Variants in SMIM36 observed in about 807,000 individuals in gnomAD.
SMIM36 encodes small integral membrane protein 36.
At chr17:55,479,684 A>G (rs1423947532) in intron 1 of SMIM36, 104 bp from the exon 2 acceptor site, 2 of 152,212 alleles carry the variant, frequency 1.3e-5, no homozygotes, top group African/African-American at 4.8e-5. Context: ...ATGATTTTGA[A>G]CCCAGCTTTG....
At chr17:55,486,565 G>A (rs1393372090) in intron 1 of SMIM36, among the ~76,000 whole-genome samples, 1 of 151,818 alleles carries the variant, frequency 6.6e-6, no homozygotes, top group African/African-American at 2.4e-5. Context: ...GGTAGTGTGG[G>A]TCTGGGTTGG....
the SMIM36 span, among the ~76,000 whole-genome samples, chr17:55,526,534 T>C: frequency 6.6e-6 from 1 of 152,092 alleles, no homozygotes; most frequent in Non-Finnish European, 1.5e-5. Flanking sequence ...TTGTCCACTA[T>C]AACACAGTGC....
chr17:55,495,072 T>C (rs765830673), intron 1 of SMIM36, among the ~76,000 whole-genome samples: 8 of 152,234 alleles, frequency 5.3e-5, no homozygotes, highest in Non-Finnish European at 1.2e-4. Flanking sequence ...ATTGATTGTA[T>C]CCTTCAGGCC....
Position 55,470,707 on chromosome 17 carries a change from C to T in SMIM36, c.*348-3379G>A, listed in dbSNP as rs546807472. Among the ~76,000 whole-genome samples the T allele has an allele frequency of 2.0e-5, 3 of 152,260 alleles. No individual in the cohort carries two copies. The South Asian group carries it at 6.2e-4, about 32-fold the overall frequency. On this transcript the variant is annotated intron_variant, in intron 3 of 4. Coordinates refer to ENST00000636752, the Ensembl canonical transcript of SMIM36. ...GTTCAAAGCCTATTTTGCATCCTCC[C>T]CTTGTGTCTCCCTACCTTAATCCGC...
Position 55,486,019 on chromosome 17 carries a change from C to CT in SMIM36, c.*175-6440dup, listed in dbSNP as rs72017867. On this transcript the variant is annotated intron_variant, in intron 1 of 4. Coordinates refer to ENST00000636752, the Ensembl canonical transcript of SMIM36. ...ATGAAGAAAAGAAAGAAAGAGCTTT[C>CT]TTTTTTTTTTTTCCTTTATTCTTTT... Among the ~76,000 whole-genome samples the CT allele has an allele frequency of 9.7e-4, 138 of 142,560 alleles. 2 individuals carry two copies. Among genetic ancestry groups the CT allele is most frequent in the African/African-American group, 2.9e-3 (114 of 38,856 alleles). The allele number at this position is 142,560 out of a possible 152,430, so 93.5% of individuals were successfully genotyped here. A position where few individuals can be genotyped will look rare whatever the true frequency, so the allele number is the denominator to read the frequency against.
chr17:55,456,868 A>T (rs542616655), intron 4 of SMIM36, among the ~76,000 whole-genome samples: 40 of 152,336 alleles, frequency 2.6e-4, no homozygotes, highest in African/African-American at 9.6e-4. Flanking sequence ...TCAACACATT[A>T]AAAAGGCAAA....
chr17:55,514,907 T>C (rs1446610059), upstream of SMIM36, among the ~76,000 whole-genome samples: 1 of 152,168 alleles, frequency 6.6e-6, no homozygotes, highest in Non-Finnish European at 1.5e-5. Flanking sequence ...CTTAGTGCCT[T>C]AGAGAAGTGT....
In SMIM36 at chr17:55,478,825, A is replaced by G. The variant is rs1199787929; in HGVS notation, c.*296-12T>C. ...AGCTCCTCAGACACCTTGAGAGTTA[A>G]AAAAAAACACTGGGTTAAATGTTCA... On this transcript the variant is annotated splice_polypyrimidine_tract_variant and intron_variant, in intron 2 of 4. Transcript: ENST00000636752. The G allele has an allele frequency of 6.6e-6, 1 of 152,030 alleles. No individual in the cohort carries two copies. Among genetic ancestry groups the G allele is most frequent in the African/African-American group, 2.4e-5 (1 of 41,398 alleles). 9.4% of individuals were successfully genotyped at this position (152,030 alleles called of 1,614,324 possible).
chr17:55,522,273 C>T, the SMIM36 span, among the ~76,000 whole-genome samples: 1 of 152,210 alleles, frequency 6.6e-6, no homozygotes, highest in Non-Finnish European at 1.5e-5. Flanking sequence ...ATAGCTGGTT[C>T]CCTGCTTCCT....
chr17:55,454,248 A>G (rs1908976828), intron 4 of SMIM36, among the ~76,000 whole-genome samples: 1 of 152,260 alleles, frequency 6.6e-6, no homozygotes, highest in South Asian at 2.1e-4. Context: ...GAAGCCCCCA[A>G]ATAAATTATC....
intron 1 of SMIM36, among the ~76,000 whole-genome samples, chr17:55,497,075 A>T (rs753605207): frequency 2.0e-5 from 3 of 151,800 alleles, no homozygotes; most frequent in Non-Finnish European, 4.4e-5. Flanking sequence ...TCTTTGCTTC[A>T]CTCTAATAGT....
intron 1 of SMIM36, among the ~76,000 whole-genome samples, chr17:55,490,967 C>G (rs933892236): frequency 2.6e-5 from 4 of 150,968 alleles, no homozygotes; most frequent in African/African-American, 9.7e-5. Context: ...CAGAAAAATA[C>G]AATCAGGCTG....
chr17:55,507,317 T>TG (rs1910091080), intron 1 of SMIM36, among the ~76,000 whole-genome samples: 1 of 130,642 alleles, frequency 7.7e-6, no homozygotes, highest in Non-Finnish European at 1.6e-5. Context: ...AGCAAAGACT[T>TG]GGAACCAACC....
At chr17:55,507,751 A>AG (rs1482819809) in intron 1 of SMIM36, among the ~76,000 whole-genome samples, 1 of 151,948 alleles carries the variant, frequency 6.6e-6, no homozygotes, top group Non-Finnish European at 1.5e-5. Context: ...AGAAAAAAAA[A>AG]GAATGGTAAA....
intron 3 of SMIM36, among the ~76,000 whole-genome samples, chr17:55,474,630 G>C (rs1287506581): frequency 6.6e-6 from 1 of 152,150 alleles, no homozygotes; most frequent in Non-Finnish European, 1.5e-5. Flanking sequence ...CTTTGGTTTT[G>C]CTTTTGACCT....
chr17:55,475,625 A>G (rs1909415190), intron 3 of SMIM36, among the ~76,000 whole-genome samples: 2 of 152,246 alleles, frequency 1.3e-5, no homozygotes, highest in African/African-American at 4.8e-5. Context: ...CTGGCTTGGT[A>G]TATGACAACA....
In SMIM36 at chr17:55,483,518, G is replaced by C. The variant is rs569134832; in HGVS notation, c.*175-3938C>G. Among the ~76,000 whole-genome samples, 3 of 152,274 alleles carry C rather than the reference G, an allele frequency of 2.0e-5. No homozygotes were observed. In the South Asian group the frequency reaches 6.2e-4, roughly 32 times the overall value. ...GTGGGTGGGCCTCCTCTAGTCAGTCGAAAAGCTTAAGAGACGAGGACTGAG... is the reference window on the plus strand; with the variant it reads ...GTGGGTGGGCCTCCTCTAGTCAGTCCAAAAGCTTAAGAGACGAGGACTGAG... On this transcript the variant is annotated intron_variant, in intron 1 of 4. Coordinates refer to ENST00000636752, the Ensembl canonical transcript of SMIM36.
At chr17:55,467,579 G>A (rs1355976412) in intron 3 of SMIM36, among the ~76,000 whole-genome samples, 1 of 152,082 alleles carries the variant, frequency 6.6e-6, no homozygotes, top group Non-Finnish European at 1.5e-5. Flanking sequence ...TGTATTTTTA[G>A]TAGAGACGGG....
rs1002756535 is a variant in SMIM36, at chr17:55,476,016, C to T, written c.*347+2746G>A. Among the ~76,000 whole-genome samples, 15 of 152,152 alleles carry T rather than the reference C, an allele frequency of 9.9e-5. No individual in the cohort carries two copies. In the South Asian group the frequency reaches 1.7e-3, roughly 17 times the overall value. ...TCTCCATACCACCCTCAAAAATTTT[C>T]GCCACCCCAACATTTCACCACTATT... On this transcript the variant is annotated intron_variant, in intron 3 of 4. Transcript: ENST00000636752.
Sources: gnomAD v4.1 joint callset for allele counts (sites outside exome capture counted in the v4.1 genomes callset) on GRCh38, gnomAD v4.1.1 for gene constraint, MANE v1.5 for transcripts, NCBI Gene and HGNC (gene_info 2026-07-23, HGNC 2026-07-21) for gene names.